The following PLXDC1 variants were observed in gnomAD, a reference collection of about 807,000 sequenced individuals.
PLXDC1 encodes plexin domain-containing protein 1.
PLXDC1 carries 39 observed loss-of-function variants against 61.3 expected under a neutral mutation model. That is an observed-to-expected ratio of 0.64 (90% CI 0.49 to 0.83). The LOEUF (loss-of-function observed/expected upper bound fraction) is 0.83. Among genes scored for constraint, PLXDC1 ranks in the 40% least tolerant of loss-of-function variants. The pLI is 0.00. For missense variants in PLXDC1, 596 were observed against 666.5 expected, an observed-to-expected ratio of 0.89 and a Z score of 1.17; for synonymous variants, 212 against 254.5, an observed-to-expected ratio of 0.83 and a Z score of 1.59.
At chr17:39,117,157 G>A (rs564308963) in intron 2 of PLXDC1, among the ~76,000 whole-genome samples, 10 of 152,298 alleles carry the variant, frequency 6.6e-5, no homozygotes, top group South Asian at 2.1e-4. Context: ...TTGTAGTGAC[G>A]GGATGGCAGA....
At chr17:39,090,164 C>T (rs1462994353) in intron 7 of PLXDC1, among the ~76,000 whole-genome samples, 1 of 152,180 alleles carries the variant, frequency 6.6e-6, no homozygotes, top group Non-Finnish European at 1.5e-5. Flanking sequence ...CAGGACTGCG[C>T]CCCCGTGGGT....
Position 39,109,356 on chromosome 17 carries a change from A to C in PLXDC1, c.291T>G (p.Tyr97Ter). Residue 97 changes from tyrosine to a stop codon, truncating the protein, a stop_gained, in exon 3 of 14, where the codon TAT (tyrosine) becomes TAG (stop). Coordinates refer to ENST00000315392, the MANE Select transcript of PLXDC1 (RefSeq NM_020405.5). LOFTEE classifies it high-confidence loss of function. ...DNHSYYVSRL[Y>*]GPSEPHSREL... The stretch of plus-strand genomic sequence containing the variant: ...CCCGGCTGTGGGGCTCGCTGGGGCC[A>C]TAGAGACGGGACACATAATAGCTGT... 6.2e-7 allele frequency: 1 copy of C among 1,605,490 alleles called. No homozygotes were observed. Among genetic ancestry groups the C allele is most frequent in the Non-Finnish European group, 8.5e-7 (1 of 1,176,726 alleles).
chr17:39,135,886 G>C (rs551746476), intron 2 of PLXDC1, among the ~76,000 whole-genome samples: 1 of 152,226 alleles, frequency 6.6e-6, no homozygotes, highest in South Asian at 2.1e-4. Flanking sequence ...TGGCGTTATT[G>C]AATCCATACT....
chr17:39,116,528 C>T (rs1194038127), intron 2 of PLXDC1, among the ~76,000 whole-genome samples: 1 of 152,230 alleles, frequency 6.6e-6, no homozygotes, highest in Non-Finnish European at 1.5e-5. Flanking sequence ...ACAAAAGCCA[C>T]TTGTGGAGGA....
At position 39,105,914 on chromosome 17, in the gene PLXDC1, G is replaced by C; in HGVS notation, c.751C>G (p.Pro251Ala). The change falls in exon 7 of 14, where the codon CCT becomes GCT. Residue 251 changes from proline to alanine, a missense_variant. Coordinates refer to ENST00000315392, the MANE Select transcript of PLXDC1 (RefSeq NM_020405.5). The part of the protein sequence containing the change: ...SVPEISSSQH[P>A]VKTGLSDAFM... ...GCATCCGATAGGCCGGTTTTGACAG[G>C]ATGCTGGGAGGAGCTGATTTCCGGG... is the stretch of plus-strand genomic sequence containing the variant. 1 of 1,614,060 alleles carries C rather than the reference G, an allele frequency of 6.2e-7. No individual in the cohort carries two copies. The highest frequency in any genetic ancestry group is 8.5e-7 in the Non-Finnish European group (1 of 1,179,924).
chr17:39,079,870 C>T (rs968547841), intron 9 of PLXDC1: 1 of 274,680 alleles, frequency 3.6e-6, no homozygotes, highest in African/African-American at 2.2e-5. Flanking sequence ...CATGAACCAC[C>T]AGTGCCAAGA....
rs777843344 is a variant in PLXDC1, at chr17:39,109,369, A to C, written c.278T>G (p.Val93Gly). ...RVVEDNHSYY[V>G]SRLYGPSEPH... ...CTCGCTGGGGCCATAGAGACGGGAC[A>C]CATAATAGCTGTGGTTGTCCTCCTG... is the stretch of plus-strand genomic sequence containing the variant. The change falls in exon 3 of 14, where the codon GTG (valine) becomes GGG (glycine). Residue 93 changes from valine to glycine, a missense_variant. Val to Gly is a moderately radical substitution (Grantham distance 109). Coordinates refer to ENST00000315392, the MANE Select transcript of PLXDC1 (RefSeq NM_020405.5). 1 of 1,600,408 alleles carries C rather than the reference A, an allele frequency of 6.2e-7. No individual in the cohort carries two copies.
intron 12 of PLXDC1, 72 bp downstream of exon 12, chr17:39,072,378 G>T: frequency 9.6e-7 from 1 of 1,044,720 alleles, no homozygotes; most frequent in Non-Finnish European, 1.5e-6. Flanking sequence ...CCAGGCGACT[G>T]CTGCACCCTC....
rs531688216 is a variant in PLXDC1 at position 39,063,345 on chromosome 17, A to G, written c.*4495T>C. 177 of 639,618 alleles carry G rather than the reference A, an allele frequency of 2.8e-4. 1 individual carries two copies. In the East Asian group the frequency reaches 3.7e-3, roughly 13 times the overall value. The allele number at this position is 639,618 out of a possible 1,614,324, so 39.6% of individuals were successfully genotyped here. A position where few individuals can be genotyped will look rare whatever the true frequency, so the allele number is the denominator to read the frequency against. On this transcript the variant is annotated 3_prime_UTR_variant, in exon 14 of 14. Transcript: ENST00000315392. ...TCAGATTTATTGTATGTCCTCAGAC[A>G]GTAGATAAAAATGCATGGGGTTTAC...
intron 2 of PLXDC1, among the ~76,000 whole-genome samples, chr17:39,117,970 A>G (rs921526685): frequency 1.3e-5 from 2 of 152,084 alleles, no homozygotes; most frequent in African/African-American, 2.4e-5. Context: ...GAGTTTACCC[A>G]GGTTCCTCAG....
At chr17:39,103,930 C>T (rs1487675346) in intron 7 of PLXDC1, among the ~76,000 whole-genome samples, 2 of 150,940 alleles carry the variant, frequency 1.3e-5, no homozygotes, top group Non-Finnish European at 2.9e-5. Context: ...GGTAGGGAAA[C>T]TCTGCGCCAC....
chr17:39,087,181 C>G (rs1227145237), intron 8 of PLXDC1, among the ~76,000 whole-genome samples: 1 of 152,218 alleles, frequency 6.6e-6, no homozygotes, highest in Non-Finnish European at 1.5e-5. Flanking sequence ...TGCCTCCTGC[C>G]TGTGGACCGC....
At chr17:39,102,380 G>A (rs909287242) in intron 7 of PLXDC1, among the ~76,000 whole-genome samples, 8 of 152,096 alleles carry the variant, frequency 5.3e-5, no homozygotes, top group African/African-American at 9.7e-5. Flanking sequence ...CAGAGTCTCC[G>A]TGGAACCCAC....
intron 9 of PLXDC1, chr17:39,081,083 C>A (rs1327981720): frequency 1.3e-5 from 2 of 152,664 alleles, no homozygotes; most frequent in Non-Finnish European, 2.9e-5. Context: ...TTTGAAAGTA[C>A]ACAAGAGGGA....
At chr17:39,123,053 C>T (rs1381213247) in intron 2 of PLXDC1, among the ~76,000 whole-genome samples, 1 of 152,232 alleles carries the variant, frequency 6.6e-6, no homozygotes, top group African/African-American at 2.4e-5. Flanking sequence ...ATTCGAAAAC[C>T]ATTGCTCTAG....
chr17:39,068,559 C>T (rs917451290), intron 13 of PLXDC1, among the ~76,000 whole-genome samples: 3 of 152,186 alleles, frequency 2.0e-5, no homozygotes, highest in Non-Finnish European at 4.4e-5. Flanking sequence ...TGCCTGTAGT[C>T]GCAACTACTC....
intron 1 of PLXDC1, among the ~76,000 whole-genome samples, chr17:39,147,778 C>G (rs2045351705): frequency 6.6e-6 from 1 of 152,206 alleles, no homozygotes; most frequent in African/African-American, 2.4e-5. Context: ...GATATACTCA[C>G]TCAGTCACTC....
chr17:39,149,472 C>A (rs993971120), intron 1 of PLXDC1, among the ~76,000 whole-genome samples: 2 of 152,172 alleles, frequency 1.3e-5, no homozygotes, highest in African/African-American at 4.8e-5. Context: ...GTGAAAAGGG[C>A]ACCGGACTGG....
chr17:39,128,095 G>A (rs1042941282), intron 2 of PLXDC1, among the ~76,000 whole-genome samples: 1,747 of 47,312 alleles, frequency 0.037, 135 homozygotes, highest in African/African-American at 0.1. Context: ...CTCTCTCTAT[G>A]TGTATATATA....
Sources: allele counts gnomAD v4.1 joint callset (sites outside exome capture counted in the v4.1 genomes callset), GRCh38; gene constraint gnomAD v4.1.1; transcripts MANE v1.5; gene names NCBI Gene and HGNC (gene_info 2026-07-23, HGNC 2026-07-21).